Variants in P3R3URF observed in about 807,000 individuals in gnomAD.
P3R3URF encodes P3R3URF protein.
A neutral mutation model predicts 8.0 loss-of-function variants in P3R3URF; 6 were observed. The observed-to-expected ratio is 0.75, with a 90% CI of 0.41 to 1.47. P3R3URF has a LOEUF of 1.47. Ranked by LOEUF, P3R3URF falls within the 40% of genes most tolerant of loss-of-function variation. The pLI, the probability that P3R3URF is intolerant of heterozygous loss-of-function variation, is 0.01. For synonymous variants in P3R3URF, 39 were observed against 36.7 expected (o/e 1.06, Z -0.23); for missense variants, 121 against 117.3 (o/e 1.03, Z -0.14).
chr1:46,176,039 AT>A (rs796881774), intron 1 of P3R3URF, among the ~76,000 whole-genome samples, 188 bp downstream of exon 1: 4 of 151,412 alleles, frequency 2.6e-5, no homozygotes, highest in Non-Finnish European at 4.4e-5. Context: ...CGCCCGGCTA[AT>A]TTTTTTTTGT....
At position 46,176,446 on chromosome 1, in the gene P3R3URF, C is replaced by T. The variant is rs1657167925; in HGVS notation, c.26G>A (p.Gly9Asp). MGPSRLVR[G>D]PRPQGMRSPY... The stretch of plus-strand genomic sequence containing the variant: ...GGAACGCATGCCCTGGGGCCGAGGG[C>T]CACGGACAAGCCGAGATGGCCCCAT... The change falls in exon 1 of 2, where the codon GGC (glycine) becomes GAC (aspartate). Residue 9 changes from glycine (G) to aspartate (D), a missense_variant. Coordinates refer to ENST00000506599, the MANE Select transcript of P3R3URF (RefSeq NM_001328655.2). 1 of 1,535,646 alleles carries T rather than the reference C, an allele frequency of 6.5e-7. No individual in the cohort carries two copies. The highest frequency in any genetic ancestry group is 2.0e-5 in the Admixed American group (1 of 50,992).
intron 1 of P3R3URF, among the ~76,000 whole-genome samples, 200 bp downstream of exon 1, chr1:46,176,028 A>G (rs965535573): frequency 6.6e-6 from 1 of 151,988 alleles, no homozygotes; most frequent in South Asian, 2.1e-4. Flanking sequence ...GTGTGCCACC[A>G]CGCCCGGCTA....
intron 1 of P3R3URF, among the ~76,000 whole-genome samples, 186 bp downstream of exon 1, chr1:46,176,039 ATTT>A (rs796881774): frequency 3.3e-5 from 5 of 151,532 alleles, no homozygotes; most frequent in East Asian, 1.9e-4. Context: ...CGCCCGGCTA[ATTT>A]TTTTTTGTAT....
In P3R3URF at chr1:46,176,346, A is replaced by G. The variant is rs1467491954; in HGVS notation, c.126T>C (p.Tyr42=). 1 of 1,535,694 alleles carries G rather than the reference A, an allele frequency of 6.5e-7. No individual in the cohort carries two copies. The highest frequency in any genetic ancestry group is 1.7e-4 in the Middle Eastern group (1 of 5,990). Residue 42 remains tyrosine, a synonymous_variant, in exon 1 of 2, where the codon TAT becomes TAC. Coordinates refer to ENST00000506599, the MANE Select transcript of P3R3URF (RefSeq NM_001328655.2). ...PRMFKCSRRR[Y]QQGLRGRTAS... ...CAGTTCGACCTCGGAGACCCTGTTG[A>G]TATCTTCTGCGGCTACACTTGAACA...
In P3R3URF at chr1:46,176,357, G is replaced by C. The variant is rs543520644; in HGVS notation, c.115C>G (p.Arg39Gly). Residue 39 changes from arginine (R) to glycine (G), a missense_variant, in exon 1 of 2, where the codon CGC becomes GGC. Physicochemically the swap from Arg to Gly is moderately radical, Grantham distance 125. Transcript: ENST00000506599. ...PRFPRMFKCS[R>G]RRYQQGLRGR... ...CGGAGACCCTGTTGATATCTTCTGC[G>C]GCTACACTTGAACATCCTGGGAAAT... 2 of 1,535,734 alleles carry C rather than the reference G, an allele frequency of 1.3e-6. No homozygotes were observed. Among genetic ancestry groups the C allele is most frequent in the South Asian group, 1.2e-5 (1 of 84,060 alleles).
intron 1 of P3R3URF, among the ~76,000 whole-genome samples, 199 bp downstream of exon 1, chr1:46,176,029 C>A (rs997983041): frequency 6.6e-6 from 1 of 152,184 alleles, no homozygotes; most frequent in Admixed American, 6.5e-5. Flanking sequence ...TGTGCCACCA[C>A]GCCCGGCTAA....
At chr1:46,175,877 T>G (rs1202675793) in intron 1 of P3R3URF, 13 of 405,796 alleles carry the variant, frequency 3.2e-5, no homozygotes, top group African/African-American at 2.1e-4. Context: ...CTCTGGTTTT[T>G]TTTTTTTTTT....
chr1:46,176,132 C>T (rs1269351367), intron 1 of P3R3URF, 96 bp downstream of exon 1: 18 of 1,420,598 alleles, frequency 1.3e-5, no homozygotes, highest in Non-Finnish European at 1.7e-5. Context: ...GCCTTGGCCT[C>T]CCAAAGTGCC....
intron 1 of P3R3URF, chr1:46,175,890 T>TTTA: frequency 2.7e-6 from 1 of 367,902 alleles, no homozygotes; most frequent in Non-Finnish European, 4.8e-6. Flanking sequence ...TTTTTTTTCT[T>TTTA]GAGACAGAGT....
Position 46,176,405 on chromosome 1 carries a change from C to T in P3R3URF, c.67G>A (p.Gly23Ser), listed in dbSNP as rs1198853998. 6.5e-7 allele frequency: 1 copy of T among 1,535,788 alleles called. No individual in the cohort carries two copies. The change falls in exon 1 of 2, where the codon GGT becomes AGT. Residue 23 changes from glycine to serine, a missense_variant. Physicochemically the swap from Gly to Ser is moderately conservative, Grantham distance 56. Coordinates refer to ENST00000506599, the MANE Select transcript of P3R3URF (RefSeq NM_001328655.2). Reference sequence around the variant, plus strand: ...AATCGGGGCCTGGGCCAGCCCATACCTGGCCTGCGGTAGGGGGAACGCATG... The same window carrying T: ...AATCGGGGCCTGGGCCAGCCCATACTTGGCCTGCGGTAGGGGGAACGCATG... Reference protein sequence around the residue: ...QGMRSPYRRPGMGWPRPRFPR... With the variant: ...QGMRSPYRRPSMGWPRPRFPR...
At chr1:46,175,872 G>GTTTTTTTTTTTTTTTTTTT (rs34832129) in intron 1 of P3R3URF, 1 of 300,598 alleles carries the variant, frequency 3.3e-6, no homozygotes, top group Non-Finnish European at 6.0e-6. Flanking sequence ...ACTGGCTCTG[G>GTTTTTTTTTTTTTTTTTTT]TTTTTTTTTT....
chr1:46,176,093 T>A (rs1255688198), intron 1 of P3R3URF, 135 bp downstream of exon 1: 2 of 939,828 alleles, frequency 2.1e-6, no homozygotes, highest in East Asian at 5.3e-5. Context: ...GCCAGGATGG[T>A]CTCGATCTCC....
rs1332533237 is a variant in P3R3URF, at chr1:46,176,348, ATCT to A, written c.121_123del (p.Arg41del). Reference sequence around the variant, plus strand: ...GTTCGACCTCGGAGACCCTGTTGATATCTTCTGCGGCTACACTTGAACATCCTG... The same window carrying A: ...GTTCGACCTCGGAGACCCTGTTGATATCTGCGGCTACACTTGAACATCCTG... On this transcript the variant is annotated inframe_deletion, in exon 1 of 2. Coordinates refer to ENST00000506599, the MANE Select transcript of P3R3URF (RefSeq NM_001328655.2). 2 of 1,535,716 alleles carry A rather than the reference ATCT, an allele frequency of 1.3e-6. No individual in the cohort carries two copies. The highest frequency in any genetic ancestry group is 1.2e-5 in the South Asian group (1 of 84,060).
In P3R3URF at chr1:46,175,581, C is replaced by A. The variant is rs943925530; in HGVS notation, c.*5G>T. 1.3e-5 allele frequency: 5 copies of A among 398,838 alleles called. No individual in the cohort carries two copies. Among genetic ancestry groups the A allele is most frequent in the African/African-American group, 8.2e-5 (4 of 48,634 alleles). The allele number at this position is 398,838 out of a possible 1,614,324, so 24.7% of individuals were successfully genotyped here. Reference sequence around the variant, plus strand: ...CCAAGCTTCTGGGCTAGCTTCTGGGCACTTCTAGAGGATCAGAAAAATCCC... The same window carrying A: ...CCAAGCTTCTGGGCTAGCTTCTGGGAACTTCTAGAGGATCAGAAAAATCCC... On this transcript the variant is annotated 3_prime_UTR_variant, in exon 2 of 2. Coordinates refer to ENST00000506599, the MANE Select transcript of P3R3URF (RefSeq NM_001328655.2).
rs908052284 is a variant in P3R3URF, at chr1:46,176,425, C to T, written c.47G>A (p.Arg16His). 369 of 1,535,632 alleles carry T rather than the reference C, an allele frequency of 2.4e-4. No homozygotes were observed. Among genetic ancestry groups the T allele is most frequent in the Non-Finnish European group, 2.5e-4 (288 of 1,146,924 alleles). The change falls in exon 1 of 2, where the codon CGT becomes CAT. Residue 16 changes from arginine (R) to histidine (H), a missense_variant. Arg to His is a conservative substitution (Grantham distance 29). Transcript: ENST00000506599. The stretch of plus-strand genomic sequence containing the variant: ...CATACCTGGCCTGCGGTAGGGGGAA[C>T]GCATGCCCTGGGGCCGAGGGCCACG... ...LVRGPRPQGM[R>H]SPYRRPGMGW...
intron 1 of P3R3URF, among the ~76,000 whole-genome samples, 189 bp downstream of exon 1, chr1:46,176,039 A>AT (rs796881774): frequency 4.6e-4 from 70 of 151,524 alleles, no homozygotes; most frequent in South Asian, 1.3e-3. Flanking sequence ...CGCCCGGCTA[A>AT]TTTTTTTTTG....
Position 46,176,255 on chromosome 1 carries a change from T to C in P3R3URF, c.217A>G (p.Thr73Ala). The C allele has an allele frequency of 6.5e-7, 1 of 1,535,690 alleles. No homozygotes were observed. The highest frequency in any genetic ancestry group is 1.2e-5 in the South Asian group (1 of 84,064). The part of the protein sequence containing the change: ...MGINNTHTDT[T>A]IVWIFPPQVL... The stretch of plus-strand genomic sequence containing the variant: ...TGAGGTGGGAAGATCCACACTATGG[T>C]GGTGTCAGTGTGGGTGTTGTTGATA... Residue 73 changes from threonine (T) to alanine (A), a missense_variant, in exon 1 of 2, where the codon ACC becomes GCC. Coordinates refer to ENST00000506599, the MANE Select transcript of P3R3URF (RefSeq NM_001328655.2).
In P3R3URF at chr1:46,175,536, A is replaced by G. The variant is rs1657112005; in HGVS notation, c.*50T>C. 5.0e-6 allele frequency: 2 copies of G among 398,878 alleles called. No homozygotes were observed. Among genetic ancestry groups the G allele is most frequent in the Non-Finnish European group, 8.8e-6 (2 of 226,370 alleles). The allele number at this position is 398,878 out of a possible 1,614,324, so 24.7% of individuals were successfully genotyped here. A position where few individuals can be genotyped will look rare whatever the true frequency, so the allele number is the denominator to read the frequency against. ...GTTCACCACCCACACGGCCCCTAGGAGATGCAGGTCCAGGGCAAACCAAGC... is the reference window on the plus strand; with the variant it reads ...GTTCACCACCCACACGGCCCCTAGGGGATGCAGGTCCAGGGCAAACCAAGC... On this transcript the variant is annotated 3_prime_UTR_variant, in exon 2 of 2. Transcript: ENST00000506599.
rs769931468 is a variant in P3R3URF, at chr1:46,176,326, C to G, written c.146G>C (p.Arg49Pro). 1 of 1,535,758 alleles carries G rather than the reference C, an allele frequency of 6.5e-7. No individual in the cohort carries two copies. Among genetic ancestry groups the G allele is most frequent in the South Asian group, 1.2e-5 (1 of 84,066 alleles). ...RRRYQQGLRG[R>P]TASSAAINPA... Reference sequence around the variant, plus strand: ...ATTGATGGCTGCACTGCTGGCAGTTCGACCTCGGAGACCCTGTTGATATCT... The same window carrying G: ...ATTGATGGCTGCACTGCTGGCAGTTGGACCTCGGAGACCCTGTTGATATCT... Residue 49 changes from arginine (R) to proline (P), a missense_variant, in exon 1 of 2, where the codon CGA (arginine) becomes CCA (proline). Coordinates refer to ENST00000506599, the MANE Select transcript of P3R3URF (RefSeq NM_001328655.2).
Sources: gnomAD v4.1 joint callset for allele counts (sites outside exome capture counted in the v4.1 genomes callset) on GRCh38, gnomAD v4.1.1 for gene constraint, MANE v1.5 for transcripts, NCBI Gene and HGNC (gene_info 2026-07-23, HGNC 2026-07-21) for gene names.